The following PLB1 variants were observed in gnomAD, a reference collection of about 807,000 sequenced individuals.
PLB1 encodes the protein phospholipase B1, membrane-associated.
Under a neutral mutation model 227.4 loss-of-function variants are expected in PLB1, and 242 were observed. The ratio of observed to expected loss-of-function variants is 1.06; its 90% confidence interval spans 0.96 to 1.18. PLB1 has a LOEUF of 1.18. Ranked by LOEUF, PLB1 falls within the 50% of genes most tolerant of loss-of-function variation. The probability of loss-of-function intolerance (pLI) is 0.00; values close to 1 mark genes in which losing one functional copy is unlikely to be tolerated. For missense variants in PLB1, 1,858 were observed against 1,816.3 expected, an observed-to-expected ratio of 1.02 and a Z score of -0.42; for synonymous variants, 757 against 682.2, an observed-to-expected ratio of 1.11 and a Z score of -1.71.
Position 28,642,914 on chromosome 2 carries a change from A to G in PLB1, c.4230A>G (p.Glu1410=). 2 of 1,608,986 alleles carry G rather than the reference A, an allele frequency of 1.2e-6. No homozygotes were observed. Among genetic ancestry groups the G allele is most frequent in the South Asian group, 1.1e-5 (1 of 89,720 alleles). ...GCCGATTGCTCCCAGACCAGGCTGA[A>G]GAAGCCCCCGAGGTGCTCTACTGGG... is the stretch of plus-strand genomic sequence containing the variant. ...RNSRLLPDQA[E]EAPEVLYWAV... The change falls in exon 58 of 58, where the codon GAA becomes GAG. Residue 1410 remains glutamate, a synonymous_variant. Coordinates refer to ENST00000327757, the MANE Select transcript of PLB1 (RefSeq NM_153021.5).
chr2:28,569,198 G>A (rs1677581112), intron 20 of PLB1, among the ~76,000 whole-genome samples: 1 of 150,850 alleles, frequency 6.6e-6, no homozygotes, highest in South Asian at 2.1e-4. Flanking sequence ...AGCAGATTGT[G>A]AGACAGCGGG....
chr2:28,543,111 G>A, intron 13 of PLB1, 101 bp from the exon 14 acceptor site: 1 of 1,277,562 alleles, frequency 7.8e-7, no homozygotes, highest in Non-Finnish European at 1.1e-6. Flanking sequence ...GACAGATCAG[G>A]CTGCCCCAAC....
chr2:28,626,810 G>A (rs1687860987), intron 51 of PLB1, among the ~76,000 whole-genome samples: 1 of 152,158 alleles, frequency 6.6e-6, no homozygotes, highest in South Asian at 2.1e-4. Flanking sequence ...ATGACCTCTG[G>A]TACCAGATAG....
At chr2:28,631,584 C>T (rs755481367) in intron 54 of PLB1, among the ~76,000 whole-genome samples, 3 of 152,238 alleles carry the variant, frequency 2.0e-5, no homozygotes, top group Middle Eastern at 3.2e-3. Flanking sequence ...GTGGACTCTC[C>T]TCCCGCAAAG....
In PLB1 at chr2:28,549,077, T is replaced by C. The variant is rs1021718089; in HGVS notation, c.1008+146T>C. On this transcript the variant is annotated intron_variant, in intron 15 of 57. Coordinates refer to ENST00000327757, the MANE Select transcript of PLB1 (RefSeq NM_153021.5). ...GGGCCTGCACACAGTTTTGCATACA[T>C]AGCAGCCCTAATGTTTACAGTTGTG... 5.0e-5 allele frequency: 36 copies of C among 713,448 alleles called. No individual in the cohort carries two copies. The African/African-American group carries it at 5.7e-4, about 11-fold the overall frequency. The allele number at this position is 713,448 out of a possible 1,614,324, so 44.2% of individuals were successfully genotyped here. A position where few individuals can be genotyped will look rare whatever the true frequency, so the allele number is the denominator to read the frequency against.
chr2:28,635,725 A>T (rs1689214824), intron 56 of PLB1, among the ~76,000 whole-genome samples: 1 of 151,732 alleles, frequency 6.6e-6, no homozygotes. Context: ...AAGCTCCAGC[A>T]GCACCAGGGG....
At chr2:28,540,318 G>A (rs767237766) in intron 11 of PLB1, 48 bp from the exon 12 acceptor site, 2 of 1,541,926 alleles carry the variant, frequency 1.3e-6, no homozygotes, top group African/African-American at 2.7e-5. Flanking sequence ...CCCCTTCCCT[G>A]CCCACACTGC....
chr2:28,596,286 A>T (rs553598970), intron 33 of PLB1, among the ~76,000 whole-genome samples: 23 of 152,118 alleles, frequency 1.5e-4, no homozygotes, highest in Non-Finnish European at 3.1e-4. Flanking sequence ...ACTTCCTTTC[A>T]CGTTTCATGG....
At chr2:28,566,688 G>C (rs985380912) in intron 19 of PLB1, 108 bp from the exon 20 acceptor site, 17 of 1,243,300 alleles carry the variant, frequency 1.4e-5, no homozygotes, top group African/African-American at 2.9e-5. Context: ...CAAGCTCCAG[G>C]CCCCCGGGCT....
intron 43 of PLB1, among the ~76,000 whole-genome samples, chr2:28,611,275 A>G (rs1401783900): frequency 6.6e-6 from 1 of 151,982 alleles, no homozygotes; most frequent in Non-Finnish European, 1.5e-5. Flanking sequence ...AGATCTTGTG[A>G]TCAAATAGAT....
At chr2:28,524,020 G>T (rs1000364395) in intron 4 of PLB1, among the ~76,000 whole-genome samples, 2 of 152,202 alleles carry the variant, frequency 1.3e-5, no homozygotes, top group African/African-American at 4.8e-5. Context: ...TTATTGAGGA[G>T]CAAAGGACGC....
At chr2:28,630,689 C>T (rs1688492846) in intron 54 of PLB1, 25 bp downstream of exon 54, 1 of 1,590,278 alleles carries the variant, frequency 6.3e-7, no homozygotes, top group South Asian at 1.1e-5. Context: ...CCTTCTCTTA[C>T]TGACCCAGCT....
In PLB1 at chr2:28,539,129, C is replaced by T; in HGVS notation, c.649C>T (p.Leu217Phe). The T allele has an allele frequency of 1.2e-6, 2 of 1,614,056 alleles. No homozygotes were observed. The highest frequency in any genetic ancestry group is 8.5e-7 in the Non-Finnish European group (1 of 1,179,892). Reference sequence around the variant, plus strand: ...CAGAGCATTTGTAAACCTGGTGGACCTCTCTGAGGTTGCAGAGGTCTCTCG... The same window carrying T: ...CAGAGCATTTGTAAACCTGGTGGACTTCTCTGAGGTTGCAGAGGTCTCTCG... ...VPRAFVNLVDLSEVAEVSRQY... is the reference protein window; with the variant it reads ...VPRAFVNLVDFSEVAEVSRQY... The change falls in exon 11 of 58, where the codon CTC (leucine) becomes TTC (phenylalanine). Residue 217 changes from leucine (L) to phenylalanine (F), a missense_variant. By Grantham distance (22) the Leu-to-Phe change is conservative. Transcript: ENST00000327757.
chr2:28,586,302 A>T (rs1352065990), intron 26 of PLB1, among the ~76,000 whole-genome samples: 1 of 152,190 alleles, frequency 6.6e-6, no homozygotes, highest in Non-Finnish European at 1.5e-5. Flanking sequence ...CACAGGGTGC[A>T]TTCCCTCTGC....
At chr2:28,497,801 C>A (rs1666634205) in intron 1 of PLB1, among the ~76,000 whole-genome samples, 1 of 152,048 alleles carries the variant, frequency 6.6e-6, no homozygotes, top group Non-Finnish European at 1.5e-5. Context: ...TTACCGCAAC[C>A]TCTGCCCTCC....
chr2:28,567,045 C>T (rs1392768605), intron 20 of PLB1, among the ~76,000 whole-genome samples: 1 of 59,952 alleles, frequency 1.7e-5, no homozygotes, highest in East Asian at 4.0e-4. Flanking sequence ...GAACGAGGTT[C>T]GGGGCTTGGG....
intron 23 of PLB1, among the ~76,000 whole-genome samples, chr2:28,581,813 T>C (rs1246381511): frequency 6.6e-6 from 1 of 151,814 alleles, no homozygotes; most frequent in Non-Finnish European, 1.5e-5. Flanking sequence ...ATACAAAAAT[T>C]AGCCAGGTGT....
chr2:28,508,293 C>G (rs1338448796), intron 1 of PLB1, among the ~76,000 whole-genome samples: 1 of 152,178 alleles, frequency 6.6e-6, no homozygotes. Context: ...ACCTCATCTC[C>G]TCTAGAATTC....
intron 34 of PLB1, 39 bp from the exon 35 acceptor site, chr2:28,598,613 G>T (rs1314852949): frequency 2.6e-6 from 4 of 1,530,314 alleles, no homozygotes; most frequent in Non-Finnish European, 2.7e-6. Context: ...CTGGCTTTCT[G>T]TTCTGAGCCG....
Sources: allele counts gnomAD v4.1 joint callset (sites outside exome capture counted in the v4.1 genomes callset), GRCh38; gene constraint gnomAD v4.1.1; transcripts MANE v1.5; gene names NCBI Gene and HGNC (gene_info 2026-07-23, HGNC 2026-07-21).